Variants in MAP7D1 observed in about 807,000 individuals in gnomAD.
MAP7D1 encodes the protein MAP7 domain containing 1.
In MAP7D1, 30 loss-of-function variants were observed where a neutral mutation model predicts 97.5. The observed-to-expected ratio is 0.31, with a 90% CI of 0.23 to 0.42. MAP7D1 has a LOEUF of 0.42. Ranked by LOEUF, MAP7D1 falls within the 10% of genes least tolerant of loss-of-function variation. The pLI, the probability that MAP7D1 is intolerant of heterozygous loss-of-function variation, is 1.00. For missense variants in MAP7D1, 1,184 were observed against 1,179.5 expected (o/e 1.00, Z -0.06); for synonymous variants, 536 against 477.1 (o/e 1.12, Z -1.61).
At chr1:36,163,418 C>T (rs879340171) in intron 1 of MAP7D1, among the ~76,000 whole-genome samples, 1 of 152,008 alleles carries the variant, frequency 6.6e-6, no homozygotes, top group African/African-American at 2.4e-5. Context: ...ATTAAGTAGC[C>T]GAAGGATCAT....
rs1056146599 is a variant in MAP7D1, at chr1:36,176,515, G to C, written c.1167G>C (p.Gly389=). Residue 389 remains glycine, a synonymous_variant, in exon 7 of 17, where the codon GGG becomes GGC. Coordinates refer to ENST00000474796, the MANE Select transcript of MAP7D1 (RefSeq NM_001388490.1). The surrounding 1 kb of genome is among the most constrained non-coding windows in gnomAD (Gnocchi z 6.1). ...VHRCAPAGER[G]ERRKPNAGGS... ...GCTGCGCCCCCGCCGGTGAGCGCGG[G>C]GAGCGCCGCAAGCCCAACGCCGGGG... The C allele has an allele frequency of 7.3e-7, 1 of 1,378,798 alleles. No homozygotes were observed. The highest frequency in any genetic ancestry group is 1.6e-5 in the African/African-American group (1 of 64,196). The allele number at this position is 1,378,798 out of a possible 1,614,324, so 85.4% of individuals were successfully genotyped here. A position where few individuals can be genotyped will look rare whatever the true frequency, so the allele number is the denominator to read the frequency against.
chr1:36,157,890 G>C (rs1037573532), intron 1 of MAP7D1, among the ~76,000 whole-genome samples: 2 of 152,114 alleles, frequency 1.3e-5, no homozygotes, highest in African/African-American at 4.8e-5. Flanking sequence ...CTGGAAACAA[G>C]GGTGGCTGGG....
chr1:36,177,784 G>A (rs1644649182), intron 8 of MAP7D1, 89 bp from the exon 9 acceptor site: 2 of 1,505,650 alleles, frequency 1.3e-6, no homozygotes, highest in Admixed American at 2.3e-5. Context: ...TGTAGCCTGG[G>A]GGAGGGGGCA....
rs767172274 is a variant in MAP7D1, at chr1:36,178,718, C to T, written c.1920C>T (p.Ala640=). The change falls in exon 11 of 17, where the codon GCC becomes GCT. Residue 640 remains alanine, a synonymous_variant. Transcript: ENST00000474796. The part of the protein sequence containing the change: ...RMREEQLARE[A]EARAEREAEA... ...GAGAGGAGCAGCTGGCACGGGAGGC[C>T]GAGGCCCGGGCGGAGCGGGAGGCGG... 3.9e-6 allele frequency: 6 copies of T among 1,536,542 alleles called. No individual in the cohort carries two copies. The highest frequency in any genetic ancestry group is 1.4e-5 in the African/African-American group (1 of 72,474).
Position 36,156,305 on chromosome 1 carries a change from A to G in MAP7D1, c.-113A>G. 1 of 877,622 alleles carries G rather than the reference A, an allele frequency of 1.1e-6. No individual in the cohort carries two copies. The highest frequency in any genetic ancestry group is 1.6e-6 in the Non-Finnish European group (1 of 640,994). 54.4% of individuals were successfully genotyped at this position (877,622 alleles called of 1,614,324 possible). The stretch of plus-strand genomic sequence containing the variant: ...GGAGCGCCCCCGCCTCCGAGTCGCT[A>G]CTTGCCGGGCCGGGCCGGGCCGGGC... On this transcript the variant is annotated 5_prime_UTR_variant, in exon 1 of 17. Coordinates refer to ENST00000474796, the MANE Select transcript of MAP7D1 (RefSeq NM_001388490.1).
In MAP7D1 at chr1:36,177,981, C is replaced by T. The variant is rs750592841; in HGVS notation, c.1488C>T (p.Ser496=). The change falls in exon 9 of 17, where the codon TCC becomes TCT. Residue 496 remains serine, a synonymous_variant. Transcript: ENST00000474796. ...PGHTLPPKPP[S]PRGTTASPKG... ...ACACTCTGCCTCCAAAGCCACCGTC[C>T]CCCCGAGGCACCACTGCATCCCCCA... is the stretch of plus-strand genomic sequence containing the variant. 8.7e-6 allele frequency: 14 copies of T among 1,609,202 alleles called. No homozygotes were observed. Among genetic ancestry groups the T allele is most frequent in the Non-Finnish European group, 1.2e-5 (14 of 1,176,554 alleles).
At chr1:36,169,272 G>A (rs898905760) in intron 1 of MAP7D1, among the ~76,000 whole-genome samples, 6 of 147,970 alleles carry the variant, frequency 4.1e-5, no homozygotes, top group Admixed American at 3.4e-4. Flanking sequence ...AAAAAAGGCC[G>A]GGCGCGGTGG....
chr1:36,171,002 A>C lies in MAP7D1; in HGVS notation c.78A>C (p.Arg26Ser), dbSNP rs1644534305. ...TCGCCAGGACCCCCCCAGAGCCAAG[A>C]CCTTCTCCAGAAGGTGACCCTTCCC... ...AVVARTPPEP[R>S]PSPEGDPSPP... Residue 26 changes from arginine to serine, a missense_variant, in exon 2 of 17, where the codon AGA becomes AGC. Physicochemically the swap from Arg to Ser is moderately radical, Grantham distance 110. Transcript: ENST00000474796. 3 of 1,476,442 alleles carry C rather than the reference A, an allele frequency of 2.0e-6. No individual in the cohort carries two copies. Among genetic ancestry groups the C allele is most frequent in the South Asian group, 1.2e-5 (1 of 85,962 alleles). The allele number at this position is 1,476,442 out of a possible 1,614,324, so 91.5% of individuals were successfully genotyped here.
intron 1 of MAP7D1, among the ~76,000 whole-genome samples, chr1:36,166,082 T>A (rs1440836122): frequency 1.3e-5 from 2 of 152,008 alleles, no homozygotes; most frequent in African/African-American, 4.8e-5. Flanking sequence ...AAAAGTGACA[T>A]CAAAATAAAG....
At position 36,176,860 on chromosome 1, in the gene MAP7D1, G is replaced by A. The variant is rs1268604226; in HGVS notation, c.1379+18G>A. The A allele has an allele frequency of 2.6e-6, 4 of 1,567,558 alleles. No homozygotes were observed. The highest frequency in any genetic ancestry group is 1.8e-5 in the Admixed American group (1 of 54,116). ...GAGCTCAGGTGGGCGCGGGCGGTGCGAGGGACCCTGCCCCTCACCGGGTCA... is the reference window on the plus strand; with the variant it reads ...GAGCTCAGGTGGGCGCGGGCGGTGCAAGGGACCCTGCCCCTCACCGGGTCA... On this transcript the variant is annotated intron_variant, in intron 8 of 16. Coordinates refer to ENST00000474796, the MANE Select transcript of MAP7D1 (RefSeq NM_001388490.1). This position sits in a 1 kb window ranked among gnomAD's most constrained non-coding sequence, Gnocchi z 6.1.
chr1:36,158,184 G>T (rs948704270), intron 1 of MAP7D1, among the ~76,000 whole-genome samples: 1 of 152,062 alleles, frequency 6.6e-6, no homozygotes, highest in African/African-American at 2.4e-5. Flanking sequence ...GTCAGGGGCC[G>T]GTGGGCAGAC....
At chr1:36,165,729 CTTTTT>C (rs34713399) in intron 1 of MAP7D1, among the ~76,000 whole-genome samples, 3 of 118,288 alleles carry the variant, frequency 2.5e-5, no homozygotes, top group Non-Finnish European at 1.7e-5. Context: ...CAGTTTGTAG[CTTTTT>C]TTTTTTTTTT....
At chr1:36,179,402 G>A (rs2124254416) in intron 13 of MAP7D1, 87 bp downstream of exon 13, 1 of 1,584,688 alleles carries the variant, frequency 6.3e-7, no homozygotes, top group Admixed American at 1.8e-5. Context: ...GCCACGGAGA[G>A]CGAGGCTGTC....
chr1:36,180,468 G>A lies in MAP7D1; in HGVS notation c.*210G>A, dbSNP rs954503493. The A allele has an allele frequency of 9.3e-6, 6 of 641,910 alleles. No individual in the cohort carries two copies. Among genetic ancestry groups the A allele is most frequent in the East Asian group, 2.7e-5 (1 of 36,556 alleles). 39.8% of individuals were successfully genotyped at this position (641,910 alleles called of 1,614,324 possible). On this transcript the variant is annotated 3_prime_UTR_variant, in exon 17 of 17. Transcript: ENST00000474796. ...CCTCAGTGCATTCGTGTGCTCGCAC[G>A]CGCAGACATCCCTTCTCCCCCATAC...
intron 1 of MAP7D1, chr1:36,157,233 C>A (rs1004650607): frequency 2.0e-5 from 3 of 152,412 alleles, no homozygotes; most frequent in African/African-American, 7.2e-5. Context: ...AAATCTGCTT[C>A]TCCTGCCTGC....
rs201674321 is a variant in MAP7D1, at chr1:36,179,048, T to C, written c.2130+23T>C. 10,297 of 1,546,628 alleles carry C rather than the reference T, an allele frequency of 6.7e-3. 47 individuals carry two copies. The highest frequency in any genetic ancestry group is 8.2e-3 in the Non-Finnish European group (9,385 of 1,144,810). Reference sequence around the variant, plus strand: ...AAGGTGTGCGGACCTGGGCGGGGATTTGTGGGCGGGGCCTGGGCAGGGCGG... The same window carrying C: ...AAGGTGTGCGGACCTGGGCGGGGATCTGTGGGCGGGGCCTGGGCAGGGCGG... On this transcript the variant is annotated intron_variant, in intron 12 of 16. Transcript: ENST00000474796.
At chr1:36,168,068 G>A (rs1247517133) in intron 1 of MAP7D1, among the ~76,000 whole-genome samples, 3 of 152,120 alleles carry the variant, frequency 2.0e-5, no homozygotes, top group African/African-American at 7.2e-5. Flanking sequence ...AGGCTGAGGA[G>A]GGCGGATCAC....
intron 1 of MAP7D1, among the ~76,000 whole-genome samples, chr1:36,166,389 CT>C (rs536815195): frequency 0.035 from 4,585 of 132,192 alleles, 84 homozygotes; most frequent in African/African-American, 0.085. Flanking sequence ...GTGATCTGAC[CT>C]TTTTTTTTTT....
At chr1:36,161,076 TG>T (rs1292059210) in intron 1 of MAP7D1, among the ~76,000 whole-genome samples, 2 of 152,194 alleles carry the variant, frequency 1.3e-5, no homozygotes, top group African/African-American at 4.8e-5. Flanking sequence ...TGCTCCTGAT[TG>T]GAGGCTGGGA....
Sources: allele counts gnomAD v4.1 joint callset (sites outside exome capture counted in the v4.1 genomes callset), GRCh38; gene constraint gnomAD v4.1.1; non-coding constraint Gnocchi (gnomAD v3.1); transcripts MANE v1.5; gene names NCBI Gene and HGNC (gene_info 2026-07-23, HGNC 2026-07-21).